SEMA5A: variants seen among roughly 807,000 people sequenced by gnomAD.
SEMA5A encodes the protein semaphorin-5A.
In SEMA5A, 55 loss-of-function variants were observed where a neutral mutation model predicts 135.5. The observed-to-expected ratio is 0.41, with a 90% CI of 0.33 to 0.51. SEMA5A has a LOEUF of 0.51. SEMA5A is among the 20% of genes least tolerant of loss of function. The pLI is 0.37. For missense variants in SEMA5A, 1,290 were observed against 1,419.9 expected, an observed-to-expected ratio of 0.91 and a Z score of 1.47; for synonymous variants, 580 against 546.5, an observed-to-expected ratio of 1.06 and a Z score of -0.85.
At position 9,357,743 on chromosome 5, in the gene SEMA5A, T is replaced by C. The variant is rs1754516179; in HGVS notation, c.125-19931A>G. ...GAAGCCCCAGGTGAGGCACCTCTCC[T>C]GGACAGAGAGGAGTGAGCACTCCAA... On this transcript the variant is annotated intron_variant, in intron 3 of 22. Transcript: ENST00000382496. Among the ~76,000 whole-genome samples the C allele has an allele frequency of 3.9e-5, 6 of 152,284 alleles. No individual in the cohort carries two copies. The South Asian group carries it at 1.2e-3, about 32-fold the overall frequency.
intron 13 of SEMA5A, among the ~76,000 whole-genome samples, chr5:9,125,659 C>G (rs1479644675): frequency 6.6e-6 from 1 of 151,754 alleles, no homozygotes; most frequent in Non-Finnish European, 1.5e-5. Flanking sequence ...GAAAATATCC[C>G]CATTTCCAAG....
chr5:9,325,468 A>G (rs1388630352), intron 4 of SEMA5A, among the ~76,000 whole-genome samples: 1 of 152,114 alleles, frequency 6.6e-6, no homozygotes, highest in Non-Finnish European at 1.5e-5. Flanking sequence ...CGTCTTCACC[A>G]AAGTTTCTTG....
intron 5 of SEMA5A, among the ~76,000 whole-genome samples, chr5:9,250,294 T>C (rs1382923): frequency 0.41 from 62,406 of 151,936 alleles, 12,916 homozygotes; most frequent in South Asian, 0.45. Flanking sequence ...TGGACAGCAG[T>C]AGCACAAGTC....
At chr5:9,129,312 G>A (rs1019488928) in intron 13 of SEMA5A, among the ~76,000 whole-genome samples, 1 of 152,274 alleles carries the variant, frequency 6.6e-6, no homozygotes, top group Non-Finnish European at 1.5e-5. Context: ...GTAAGAATGT[G>A]AGATTCAGTT....
chr5:9,253,883 C>G (rs1280280018), intron 5 of SEMA5A, among the ~76,000 whole-genome samples: 1 of 152,122 alleles, frequency 6.6e-6, no homozygotes, highest in African/African-American at 2.4e-5. Context: ...ATTGCCTTTA[C>G]ATGAATAACA....
intron 2 of SEMA5A, among the ~76,000 whole-genome samples, chr5:9,386,084 G>A (rs1755874287): frequency 6.6e-6 from 1 of 152,172 alleles, no homozygotes; most frequent in South Asian, 2.1e-4. Flanking sequence ...ACAGGCATGA[G>A]CCATCACGCC....
chr5:9,057,192 G>C (rs576071104), intron 18 of SEMA5A, among the ~76,000 whole-genome samples: 8 of 152,260 alleles, frequency 5.3e-5, no homozygotes, highest in Admixed American at 2.0e-4. Context: ...GTAAGATCTA[G>C]ATATCTACTA....
At chr5:9,314,086 T>C (rs928807616) in intron 5 of SEMA5A, among the ~76,000 whole-genome samples, 1 of 152,182 alleles carries the variant, frequency 6.6e-6, no homozygotes, top group African/African-American at 2.4e-5. Context: ...CCTTGATCTG[T>C]TTCATCATTT....
chr5:9,163,361 T>C (rs1743404451), intron 11 of SEMA5A, among the ~76,000 whole-genome samples: 4 of 152,252 alleles, frequency 2.6e-5, no homozygotes, highest in Admixed American at 2.0e-4. Context: ...ATATATAATG[T>C]AGACTCTCAT....
rs73741656 is a variant in SEMA5A, at chr5:9,106,054, G to A, written c.2073+2086C>T. ...CAGACAGAAACCAAAATGCATGGGAGAAGACACGTCAGAAGAAAAATATAC... is the reference window on the plus strand; with the variant it reads ...CAGACAGAAACCAAAATGCATGGGAAAAGACACGTCAGAAGAAAAATATAC... On this transcript the variant is annotated intron_variant, in intron 16 of 22. Transcript: ENST00000382496. Among the ~76,000 whole-genome samples the A allele has an allele frequency of 2.8e-3, 426 of 152,294 alleles. 4 individuals are homozygous for A. Among genetic ancestry groups the A allele is most frequent in the African/African-American group, 9.8e-3 (409 of 41,570 alleles).
intron 1 of SEMA5A, among the ~76,000 whole-genome samples, chr5:9,458,711 A>G (rs1445775242): frequency 6.6e-6 from 1 of 152,186 alleles, no homozygotes; most frequent in African/African-American, 2.4e-5. Context: ...TTTGCTGTAA[A>G]ATGGAGCACA....
intron 6 of SEMA5A, among the ~76,000 whole-genome samples, chr5:9,234,239 T>C (rs1747787464): frequency 6.6e-6 from 1 of 152,150 alleles, no homozygotes; most frequent in South Asian, 2.1e-4. Context: ...CAGGGGGCAG[T>C]CCTTCGGAGG....
At chr5:9,350,114 A>G (rs1013764721) in intron 3 of SEMA5A, among the ~76,000 whole-genome samples, 1 of 152,174 alleles carries the variant, frequency 6.6e-6, no homozygotes, top group Admixed American at 6.5e-5. Flanking sequence ...CCTTGGTAAC[A>G]TGGAGCCTTT....
At chr5:9,220,595 G>A (rs17320284) in intron 8 of SEMA5A, among the ~76,000 whole-genome samples, 5,008 of 152,262 alleles carry the variant, frequency 0.033, 111 homozygotes, top group Non-Finnish European at 0.048. Flanking sequence ...CAAGAAAAGC[G>A]TGTGGAATGA....
intron 16 of SEMA5A, among the ~76,000 whole-genome samples, chr5:9,093,873 G>T (rs1335309581): frequency 6.6e-6 from 1 of 152,042 alleles, no homozygotes. Context: ...TGAATCCCAT[G>T]TCCTTGGGTT....
intron 1 of SEMA5A, among the ~76,000 whole-genome samples, chr5:9,534,899 A>G (rs1737670803): frequency 6.6e-6 from 1 of 152,184 alleles, no homozygotes; most frequent in South Asian, 2.1e-4. Flanking sequence ...GCCTTTCAGG[A>G]TTTCAATGGA....
intron 4 of SEMA5A, among the ~76,000 whole-genome samples, chr5:9,329,280 G>A (rs186508326): frequency 1.7e-3 from 257 of 152,308 alleles, no homozygotes; most frequent in Admixed American, 5.3e-3. Flanking sequence ...GGGCCAGAGA[G>A]CAGATAGTTT....
chr5:9,192,721 C>T (rs1806090), intron 10 of SEMA5A, among the ~76,000 whole-genome samples: 22,285 of 152,212 alleles, frequency 0.15, 1,878 homozygotes, highest in Admixed American at 0.26. Context: ...CTAATGTCTA[C>T]GCAGAAAGGT....
rs985239712 is a variant in SEMA5A, at chr5:9,145,724, C to T, written c.1481+8764G>A. On this transcript the variant is annotated intron_variant, in intron 12 of 22. Coordinates refer to ENST00000382496, the MANE Select transcript of SEMA5A (RefSeq NM_003966.3). The stretch of plus-strand genomic sequence containing the variant: ...TGCAGTCTTGGCTCACTGCAAACTC[C>T]ACCTCCCTGGTTCAAGCAATTCCCC... Among the ~76,000 whole-genome samples the T allele has an allele frequency of 6.0e-5, 9 of 150,392 alleles. No homozygotes were observed. In the South Asian group the frequency reaches 6.3e-4, roughly 11 times the overall value.
Sources: allele counts gnomAD v4.1 joint callset (sites outside exome capture counted in the v4.1 genomes callset), GRCh38; gene constraint gnomAD v4.1.1; transcripts MANE v1.5; gene names NCBI Gene and HGNC (gene_info 2026-07-23, HGNC 2026-07-21).